Variants in FNDC7 observed in about 807,000 individuals in gnomAD.
The protein encoded by FNDC7 is fibronectin type III domain-containing protein 7.
A neutral mutation model predicts 74.2 loss-of-function variants in FNDC7; 66 were observed. The observed-to-expected ratio is 0.89, with a 90% CI of 0.73 to 1.09. The LOEUF (loss-of-function observed/expected upper bound fraction) is 1.09. FNDC7 is among the 50% of genes least tolerant of loss of function. FNDC7 has a pLI of 0.00. For synonymous variants in FNDC7, 307 were observed against 330.2 expected (o/e 0.93, Z 0.76); for missense variants, 829 against 893.4 (o/e 0.93, Z 0.92).
At position 108,718,469 on chromosome 1, in the gene FNDC7, T is replaced by C. The variant is rs145942910; in HGVS notation, c.338-320T>C. On this transcript the variant is annotated intron_variant, in intron 3 of 12. Transcript: ENST00000370017. ...ACCTAGGCATATTTCTGAAAAGTTA[T>C]GTGCACATTAAAATGGTGTAACCCC... Among the ~76,000 whole-genome samples, 15 of 152,344 alleles carry C rather than the reference T, an allele frequency of 9.8e-5. No individual in the cohort carries two copies. In the East Asian group the frequency reaches 2.7e-3, roughly 27 times the overall value.
Position 108,718,991 on chromosome 1 carries a change from C to CTA in FNDC7, c.542_543dup (p.Ala182MetfsTer36), listed in dbSNP as rs764552803. ...CCGGAACTCTCTACACCATAAAGGC[C>CTA]TATGCATGGAATGCCAACAGAATCC... is the stretch of plus-strand genomic sequence containing the variant. On this transcript the variant is annotated frameshift_variant, in exon 4 of 13. Transcript: ENST00000370017. LOFTEE classifies it high-confidence loss of function. 8.4e-6 allele frequency: 13 copies of CTA among 1,552,080 alleles called. No individual in the cohort carries two copies. The South Asian group carries it at 1.4e-4, about 17-fold the overall frequency.
At chr1:108,736,229 G>A (rs1203356536) in intron 10 of FNDC7, among the ~76,000 whole-genome samples, 1 of 152,064 alleles carries the variant, frequency 6.6e-6, no homozygotes, top group Admixed American at 6.5e-5. Context: ...CCTATTCTAT[G>A]TCATGTTCTG....
At chr1:108,719,099 G>T in intron 4 of FNDC7, 50 bp downstream of exon 4, 3 of 1,544,236 alleles carry the variant, frequency 1.9e-6, no homozygotes, top group Non-Finnish European at 2.6e-6. Context: ...TGATTAATGA[G>T]GGGGGCTGTG....
At chr1:108,714,282 A>C (rs895935886) in intron 2 of FNDC7, among the ~76,000 whole-genome samples, 2 of 152,252 alleles carry the variant, frequency 1.3e-5, no homozygotes, top group African/African-American at 4.8e-5. Context: ...ACACCACAGA[A>C]AAGGAAGTGA....
intron 2 of FNDC7, among the ~76,000 whole-genome samples, chr1:108,714,605 ATTTTTTTT>A (rs71098692): frequency 2.0e-5 from 2 of 102,166 alleles, no homozygotes; most frequent in Non-Finnish European, 3.7e-5. Flanking sequence ...ACAAAGTGGC[ATTTTTTTT>A]TTTTTTTTTT....
At position 108,728,901 on chromosome 1, in the gene FNDC7, C is replaced by T; in HGVS notation, c.1624+15C>T. 7 of 1,609,018 alleles carry T rather than the reference C, an allele frequency of 4.4e-6. No individual in the cohort carries two copies. Among genetic ancestry groups the T allele is most frequent in the Non-Finnish European group, 6.0e-6 (7 of 1,176,156 alleles). On this transcript the variant is annotated intron_variant, in intron 8 of 12. Coordinates refer to ENST00000370017, the MANE Select transcript of FNDC7 (RefSeq NM_001144937.3). The stretch of plus-strand genomic sequence containing the variant: ...CCTGGAAACAGGTATGTAGCAACCA[C>T]CAGCCTGAATGTTGACTTCAGTGGG...
At chr1:108,741,497 G>A (rs1661646178) in intron 11 of FNDC7, among the ~76,000 whole-genome samples, 1 of 152,192 alleles carries the variant, frequency 6.6e-6, no homozygotes, top group African/African-American at 2.4e-5. Flanking sequence ...GGGGTGAAAA[G>A]GAAAGTCCTT....
In FNDC7 at chr1:108,719,058, T is replaced by C. The variant is rs1388186543; in HGVS notation, c.598+9T>C. 2 of 1,551,800 alleles carry C rather than the reference T, an allele frequency of 1.3e-6. No homozygotes were observed. Among genetic ancestry groups the C allele is most frequent in the Non-Finnish European group, 8.7e-7 (1 of 1,146,840 alleles). ...CTGCAATCAGAGAACAAGTAAGAACTTCTCAGCTCAGCCTCGAACAATTCT... is the reference window on the plus strand; with the variant it reads ...CTGCAATCAGAGAACAAGTAAGAACCTCTCAGCTCAGCCTCGAACAATTCT... On this transcript the variant is annotated intron_variant, in intron 4 of 12. Coordinates refer to ENST00000370017, the MANE Select transcript of FNDC7 (RefSeq NM_001144937.3).
intron 8 of FNDC7, among the ~76,000 whole-genome samples, chr1:108,730,100 C>T (rs1035216317): frequency 3.3e-5 from 5 of 151,992 alleles, no homozygotes; most frequent in African/African-American, 9.7e-5. Context: ...GAAGATGGGC[C>T]GGGCATGGTG....
At chr1:108,722,230 C>T (rs1661105631) in intron 4 of FNDC7, 105 bp from the exon 5 acceptor site, 4 of 1,154,206 alleles carry the variant, frequency 3.5e-6, no homozygotes, top group East Asian at 5.2e-5. Context: ...TGTAATTATC[C>T]AACTATTGGG....
At chr1:108,716,901 C>A (rs1243305030) in intron 2 of FNDC7, among the ~76,000 whole-genome samples, 1 of 152,082 alleles carries the variant, frequency 6.6e-6, no homozygotes, top group Admixed American at 6.5e-5. Context: ...TTTGTTTGAC[C>A]TTTTCTTCCA....
chr1:108,716,320 G>GGGGT (rs1388240203), intron 2 of FNDC7, among the ~76,000 whole-genome samples: 6 of 95,694 alleles, frequency 6.3e-5, no homozygotes, highest in Admixed American at 1.0e-4. Context: ...GCAGAAGAGA[G>GGGGT]GTGTGTGTGT....
intron 11 of FNDC7, 50 bp downstream of exon 11, chr1:108,737,574 A>G (rs1661545823): frequency 6.7e-7 from 1 of 1,489,544 alleles, no homozygotes; most frequent in Non-Finnish European, 9.1e-7. Context: ...TTGTTGCTCC[A>G]TTTTGGGGTT....
At chr1:108,717,630 T>G (rs776314886) in intron 2 of FNDC7, 147 bp from the exon 3 acceptor site, 1 of 809,702 alleles carries the variant, frequency 1.2e-6, no homozygotes, top group Non-Finnish European at 1.9e-6. Flanking sequence ...TCTTTCTTTT[T>G]CTCTGTTTTT....
chr1:108,739,023 A>T (rs1661581013), intron 11 of FNDC7, among the ~76,000 whole-genome samples: 1 of 152,142 alleles, frequency 6.6e-6, no homozygotes, highest in Admixed American at 6.5e-5. Context: ...GGTGTGGTAG[A>T]AGTGTCCTAG....
chr1:108,714,886 C>T (rs1660942736), intron 2 of FNDC7, among the ~76,000 whole-genome samples: 1 of 152,104 alleles, frequency 6.6e-6, no homozygotes, highest in South Asian at 2.1e-4. Context: ...AGCCACCGCG[C>T]CCGGCCGGCT....
rs1661272374 is a variant in FNDC7, at chr1:108,728,681, G to A, written c.1419G>A (p.Met473Ile). The change falls in exon 8 of 13, where the codon ATG (methionine) becomes ATA (isoleucine). Residue 473 changes from methionine to isoleucine, a missense_variant. Physicochemically the swap from Met to Ile is conservative, Grantham distance 10. Transcript: ENST00000370017. The part of the protein sequence containing the change: ...IKNVSRDAFS[M>I]INVHWRSTND... ...ATGTTTCAAGGGATGCATTCTCCATGATTAATGTGCACTGGCGATCCACTA... is the reference window on the plus strand; with the variant it reads ...ATGTTTCAAGGGATGCATTCTCCATAATTAATGTGCACTGGCGATCCACTA... 6.2e-7 allele frequency: 1 copy of A among 1,614,136 alleles called. No homozygotes were observed. Among genetic ancestry groups the A allele is most frequent in the South Asian group, 1.1e-5 (1 of 91,092 alleles).
In FNDC7 at chr1:108,724,860, C is replaced by A. The variant is rs557063513; in HGVS notation, c.857-890C>A. On this transcript the variant is annotated intron_variant, in intron 5 of 12. Coordinates refer to ENST00000370017, the MANE Select transcript of FNDC7 (RefSeq NM_001144937.3). ...CTTTGGGAGGCTGAGAGGGGAGGAT[C>A]ACTTGAAGTCAGGAGTTCAAGACCA... is the stretch of plus-strand genomic sequence containing the variant. Among the ~76,000 whole-genome samples, 3 of 151,844 alleles carry A rather than the reference C, an allele frequency of 2.0e-5. No individual in the cohort carries two copies. In the East Asian group the frequency reaches 5.8e-4, roughly 30 times the overall value.
intron 8 of FNDC7, 126 bp downstream of exon 8, chr1:108,729,012 C>T: frequency 8.3e-7 from 1 of 1,205,202 alleles, no homozygotes; most frequent in East Asian, 2.4e-5. Flanking sequence ...AGAGACGTTT[C>T]AAAGAGTCCC....
Sources: gnomAD v4.1 joint callset for allele counts (sites outside exome capture counted in the v4.1 genomes callset) on GRCh38, gnomAD v4.1.1 for gene constraint, MANE v1.5 for transcripts, NCBI Gene and HGNC (gene_info 2026-07-23, HGNC 2026-07-21) for gene names.